CALN1: variants seen among roughly 807,000 people sequenced by gnomAD.
CALN1 encodes the protein calneuron 1, also known as calcium-binding protein 8.
CALN1 carries 17 observed loss-of-function variants against 30.6 expected under a neutral mutation model. That is an observed-to-expected ratio of 0.56 (90% CI 0.38 to 0.83). The LOEUF is 0.83. Ranked by LOEUF, CALN1 falls within the 40% of genes least tolerant of loss-of-function variation. The pLI, the probability that CALN1 is intolerant of heterozygous loss-of-function variation, is 0.00. For missense variants in CALN1, 291 were observed against 354.9 expected, an observed-to-expected ratio of 0.82 and a Z score of 1.45; for synonymous variants, 156 against 131.4, an observed-to-expected ratio of 1.19 and a Z score of -1.28.
At chr7:72,205,567 T>TATATATATATATA (rs1562733737) in intron 3 of CALN1, among the ~76,000 whole-genome samples, 1 of 118,202 alleles carries the variant, frequency 8.5e-6, no homozygotes, top group Non-Finnish European at 1.6e-5. Context: ...TATATATATA[T>TATATATATATATA]GTATATATAT....
chr7:71,969,459 G>A (rs908903946), intron 5 of CALN1, among the ~76,000 whole-genome samples: 11 of 151,924 alleles, frequency 7.2e-5, no homozygotes, highest in Non-Finnish European at 8.8e-5. Flanking sequence ...GTACATAACC[G>A]AATACATACA....
chr7:72,389,542 G>A (rs1489942087), intron 2 of CALN1, among the ~76,000 whole-genome samples: 1 of 152,220 alleles, frequency 6.6e-6, no homozygotes, highest in African/African-American at 2.4e-5. Flanking sequence ...TGGTTTTAAA[G>A]TGTAACGTCT....
intron 4 of CALN1, among the ~76,000 whole-genome samples, chr7:72,074,468 T>C (rs1804601951): frequency 6.6e-6 from 1 of 152,098 alleles, no homozygotes; most frequent in Non-Finnish European, 1.5e-5. Flanking sequence ...AGTACAGTGG[T>C]GCAATCTTGG....
chr7:72,200,536 T>C (rs890511418), intron 3 of CALN1, among the ~76,000 whole-genome samples: 2 of 152,034 alleles, frequency 1.3e-5, no homozygotes, highest in Non-Finnish European at 1.5e-5. Context: ...AACTGAGACT[T>C]AGAGTAGCTC....
At chr7:72,062,794 A>T in intron 4 of CALN1, among the ~76,000 whole-genome samples, 1 of 152,168 alleles carries the variant, frequency 6.6e-6, no homozygotes, top group Non-Finnish European at 1.5e-5. Flanking sequence ...ACACATCCTA[A>T]ATAGTCCTAT....
intron 5 of CALN1, among the ~76,000 whole-genome samples, chr7:71,938,859 T>C (rs761955508): frequency 5.3e-5 from 8 of 151,878 alleles, no homozygotes; most frequent in Non-Finnish European, 1.2e-4. Flanking sequence ...GAGAGCGCCA[T>C]GGTGGGATAG....
chr7:71,852,235 T>A (rs1442898885), intron 5 of CALN1, among the ~76,000 whole-genome samples: 1 of 152,222 alleles, frequency 6.6e-6, no homozygotes, highest in Non-Finnish European at 1.5e-5. Flanking sequence ...CAAGACTCCA[T>A]GAACAATCTT....
At chr7:72,378,569 T>G (rs1804701280) in intron 2 of CALN1, among the ~76,000 whole-genome samples, 1 of 152,216 alleles carries the variant, frequency 6.6e-6, no homozygotes, top group Non-Finnish European at 1.5e-5. Flanking sequence ...GTAAAAATCT[T>G]ACCGGCACGT....
chr7:72,255,484 G>A (rs889823986), intron 3 of CALN1, among the ~76,000 whole-genome samples: 2 of 149,380 alleles, frequency 1.3e-5, no homozygotes, highest in Non-Finnish European at 3.0e-5. Context: ...GCATGATCTC[G>A]GCTCACTGCA....
intron 2 of CALN1, among the ~76,000 whole-genome samples, chr7:72,394,013 G>A (rs1404883978): frequency 1.3e-5 from 2 of 152,190 alleles, no homozygotes; most frequent in Non-Finnish European, 2.9e-5. Flanking sequence ...GATCCTGAGT[G>A]AACAGATTTC....
chr7:72,037,421 A>T (rs972214123), intron 4 of CALN1, among the ~76,000 whole-genome samples: 9 of 152,212 alleles, frequency 5.9e-5, no homozygotes, highest in African/African-American at 2.2e-4. Context: ...AAGTGCTGGG[A>T]TTACAGGCAT....
At chr7:72,336,165 G>A (rs1269718264) in intron 2 of CALN1, among the ~76,000 whole-genome samples, 4 of 152,066 alleles carry the variant, frequency 2.6e-5, no homozygotes, top group South Asian at 2.1e-4. Flanking sequence ...AAGGCAAGCA[G>A]TCAGCGCTAG....
In CALN1 at chr7:71,930,460, A is replaced by C. The variant is rs895536616; in HGVS notation, c.501+93197T>G. Among the ~76,000 whole-genome samples, 5 of 152,198 alleles carry C rather than the reference A, an allele frequency of 3.3e-5. 1 individual carries two copies. Among genetic ancestry groups the C allele is most frequent in the African/African-American group, 9.7e-5 (4 of 41,450 alleles). On this transcript the variant is annotated intron_variant, in intron 5 of 6. Transcript: ENST00000395275. ...AAAGAGTTCTTTATACATTCTAGAC[A>C]CAAGCCCTTTATAAAGCTATATGAT...
At chr7:72,455,056 C>G in the CALN1 span, among the ~76,000 whole-genome samples, 1 of 152,060 alleles carries the variant, frequency 6.6e-6, no homozygotes, top group African/African-American at 2.4e-5. Context: ...ATCTCAAATT[C>G]CCTACCTCAG....
intron 3 of CALN1, among the ~76,000 whole-genome samples, chr7:72,236,960 A>C (rs1794509873): frequency 1.3e-5 from 2 of 150,954 alleles, no homozygotes; most frequent in Non-Finnish European, 2.9e-5. Context: ...AGTCTGACCT[A>C]GTTGGGAACT....
At chr7:72,352,935 G>A (rs959486154) in intron 2 of CALN1, among the ~76,000 whole-genome samples, 1 of 151,840 alleles carries the variant, frequency 6.6e-6, no homozygotes, top group Non-Finnish European at 1.5e-5. Flanking sequence ...ATATAAAAAA[G>A]AATAACAAGG....
intron 3 of CALN1, among the ~76,000 whole-genome samples, chr7:72,255,552 C>A (rs1184347543): frequency 2.7e-5 from 4 of 150,292 alleles, no homozygotes; most frequent in Non-Finnish European, 5.9e-5. Flanking sequence ...GTAGCTAGGA[C>A]TACAGGTGCC....
chr7:72,493,671 T>A, the CALN1 span, among the ~76,000 whole-genome samples: 270 of 152,330 alleles, frequency 1.8e-3, 1 homozygote, highest in African/African-American at 5.9e-3. Flanking sequence ...TCTTACAGCA[T>A]CTTTTCTAGA....
chr7:72,312,827 G>A (rs938997746), intron 2 of CALN1, among the ~76,000 whole-genome samples: 5 of 139,114 alleles, frequency 3.6e-5, no homozygotes, highest in Non-Finnish European at 8.0e-5. Flanking sequence ...GGGAACATTT[G>A]CCCTATCATA....
Sources: allele counts gnomAD v4.1 joint callset (sites outside exome capture counted in the v4.1 genomes callset), GRCh38; gene constraint gnomAD v4.1.1; transcripts MANE v1.5; gene names NCBI Gene and HGNC (gene_info 2026-07-23, HGNC 2026-07-21).